SFXN2: variants seen among roughly 807,000 people sequenced by gnomAD.
The protein encoded by SFXN2 is sideroflexin-2.
Under a neutral mutation model 41.9 loss-of-function variants are expected in SFXN2, and 37 were observed. The observed-to-expected ratio is 0.88, with a 90% confidence interval of 0.68 to 1.16. The LOEUF is 1.16. Among genes scored for constraint, SFXN2 ranks in the 50% most tolerant of loss-of-function variants. The pLI, the probability that SFXN2 is intolerant of heterozygous loss-of-function variation, is 0.00. For missense variants in SFXN2, 386 were observed against 425.2 expected (o/e 0.91, Z 0.81); for synonymous variants, 150 against 156.7 (o/e 0.96, Z 0.32).
intron 1 of SFXN2, among the ~76,000 whole-genome samples, chr10:102,718,331 T>G (rs1177341148): frequency 6.6e-6 from 1 of 152,252 alleles, no homozygotes; most frequent in Non-Finnish European, 1.5e-5. Context: ...TTTTGCTCAG[T>G]CAGGCTGTCT....
At chr10:102,723,673 A>G (rs961089874) in intron 1 of SFXN2, among the ~76,000 whole-genome samples, 1 of 152,226 alleles carries the variant, frequency 6.6e-6, no homozygotes, top group African/African-American at 2.4e-5. Flanking sequence ...ATCCCCAAAT[A>G]GTAATTCCAA....
At chr10:102,727,413 G>T (rs192820622) in intron 3 of SFXN2, among the ~76,000 whole-genome samples, 4 of 152,328 alleles carry the variant, frequency 2.6e-5, no homozygotes, top group Admixed American at 2.6e-4. Flanking sequence ...TAAACAGGCA[G>T]GAAATATGGG....
intron 6 of SFXN2, among the ~76,000 whole-genome samples, chr10:102,730,399 G>A (rs531542362): frequency 2.6e-5 from 4 of 152,332 alleles, no homozygotes; most frequent in Admixed American, 2.6e-4. Context: ...CATAAGAGAT[G>A]CTACATAAGT....
rs374406273 is a variant in SFXN2 at position 102,741,426 on chromosome 10, G to A, written c.*3664G>A. 1.3e-5 allele frequency: 2 copies of A among 152,176 alleles called. No homozygotes were observed. Among genetic ancestry groups the A allele is most frequent in the Non-Finnish European group, 1.5e-5 (1 of 68,064 alleles). 9.4% of individuals were successfully genotyped at this position (152,176 alleles called of 1,614,324 possible). A position where few individuals can be genotyped will look rare whatever the true frequency, so the allele number is the denominator to read the frequency against. Reference sequence around the variant, plus strand: ...TCGGCTAGAATAGCATGGGTAAAAGGTTCCATTGCTCGGGAGAGGAGGAGG... The same window carrying A: ...TCGGCTAGAATAGCATGGGTAAAAGATTCCATTGCTCGGGAGAGGAGGAGG... On this transcript the variant is annotated 3_prime_UTR_variant, in exon 12 of 12. Coordinates refer to ENST00000369893, the MANE Select transcript of SFXN2 (RefSeq NM_178858.6).
At chr10:102,729,259 C>G in intron 4 of SFXN2, 60 bp from the exon 5 acceptor site, 1 of 1,549,076 alleles carries the variant, frequency 6.5e-7, no homozygotes, top group South Asian at 1.1e-5. Flanking sequence ...TCCCTGAAGC[C>G]CGTGGTTTGG....
chr10:102,735,722 G>C, intron 10 of SFXN2, 140 bp from the exon 11 acceptor site: 1 of 812,634 alleles, frequency 1.2e-6, no homozygotes, highest in Non-Finnish European at 2.2e-6. Flanking sequence ...GGAACAGGAG[G>C]AGGGTTGGAG....
rs1179240999 is a variant in SFXN2 at position 102,732,165 on chromosome 10, T to C, written c.668T>C (p.Ile223Thr). Reference protein sequence around the residue: ...EIGHSRRAAAIGITQVVISRI... With the variant: ...EIGHSRRAAATGITQVVISRI... Reference sequence around the variant, plus strand: ...TTCTGCCCTCAGAGAGCTGCGGCCATAGGCATCACCCAAGTAGTTATTTCT... The same window carrying C: ...TTCTGCCCTCAGAGAGCTGCGGCCACAGGCATCACCCAAGTAGTTATTTCT... The change falls in exon 8 of 12, where the codon ATA becomes ACA. Residue 223 changes from isoleucine (I) to threonine (T), a missense_variant. Physicochemically the swap from Ile to Thr is moderately conservative, Grantham distance 89. Coordinates refer to ENST00000369893, the MANE Select transcript of SFXN2 (RefSeq NM_178858.6). The C allele has an allele frequency of 6.2e-6, 10 of 1,614,040 alleles. No individual in the cohort carries two copies. The highest frequency in any genetic ancestry group is 8.5e-6 in the Non-Finnish European group (10 of 1,179,960).
At chr10:102,727,988 G>A (rs2064631904) in intron 3 of SFXN2, among the ~76,000 whole-genome samples, 1 of 152,172 alleles carries the variant, frequency 6.6e-6, no homozygotes, top group Non-Finnish European at 1.5e-5. Flanking sequence ...CTGCGCAGAA[G>A]CCCAGGTGCA....
At chr10:102,728,070 G>A (rs372969798) in intron 3 of SFXN2, among the ~76,000 whole-genome samples, 41 of 152,126 alleles carry the variant, frequency 2.7e-4, no homozygotes, top group African/African-American at 8.9e-4. Context: ...AAGCCAAGGC[G>A]GGTGGATTAC....
chr10:102,725,659 G>A (rs1238194327), intron 1 of SFXN2, among the ~76,000 whole-genome samples: 3 of 152,098 alleles, frequency 2.0e-5, no homozygotes, highest in African/African-American at 7.2e-5. Flanking sequence ...TTGGGAGGCC[G>A]AGGCAGAAGG....
At chr10:102,732,255 G>A (rs2064715847) in intron 8 of SFXN2, 37 bp downstream of exon 8, 1 of 1,588,064 alleles carries the variant, frequency 6.3e-7, no homozygotes, top group South Asian at 1.1e-5. Flanking sequence ...GGGGAAGCCT[G>A]TGACACAGGG....
rs776120979 is a variant in SFXN2 at position 102,726,807 on chromosome 10, C to T, written c.161+10C>T. The T allele has an allele frequency of 1.2e-5, 19 of 1,613,590 alleles. No individual in the cohort carries two copies. In the East Asian group the frequency reaches 2.0e-4, roughly 17 times the overall value. On this transcript the variant is annotated intron_variant, in intron 2 of 11. Transcript: ENST00000369893. ...TGGTGGAGAAGAGCAGGTGAGGGGTCGGGGAAGGGGCTGGAAGTAGTAGGG... is the reference window on the plus strand; with the variant it reads ...TGGTGGAGAAGAGCAGGTGAGGGGTTGGGGAAGGGGCTGGAAGTAGTAGGG...
rs1381429226 is a variant in SFXN2, at chr10:102,726,199, C to T, written c.-25-413C>T. On this transcript the variant is annotated intron_variant, in intron 1 of 11. Transcript: ENST00000369893. ...TCCTGACCTCATGATCCCCCTGCCT[C>T]GGCCTCCCAAAGTACTGGGATTACA... is the stretch of plus-strand genomic sequence containing the variant. Among the ~76,000 whole-genome samples the T allele has an allele frequency of 3.3e-5, 5 of 152,306 alleles. No individual in the cohort carries two copies. In the East Asian group the frequency reaches 7.7e-4, roughly 23 times the overall value.
intron 3 of SFXN2, among the ~76,000 whole-genome samples, chr10:102,727,457 A>G (rs1158269667): frequency 6.6e-6 from 1 of 152,236 alleles, no homozygotes; most frequent in Non-Finnish European, 1.5e-5. Context: ...TCCTGTGTAG[A>G]ACCCTCAACA....
Position 102,741,162 on chromosome 10 carries a change from C to T in SFXN2, c.*3400C>T, listed in dbSNP as rs1332169931. The T allele has an allele frequency of 1.3e-5, 2 of 152,200 alleles. No individual in the cohort carries two copies. The highest frequency in any genetic ancestry group is 2.9e-5 in the Non-Finnish European group (2 of 68,030). 9.4% of individuals were successfully genotyped at this position (152,200 alleles called of 1,614,324 possible). A position where few individuals can be genotyped will look rare whatever the true frequency, so the allele number is the denominator to read the frequency against. On this transcript the variant is annotated 3_prime_UTR_variant, in exon 12 of 12. Transcript: ENST00000369893. ...TTGGTGTGGGAAGTGCTAATCCAGA[C>T]TGTCCTATCCAATAGCTCAGCTTGA...
chr10:102,738,411 C>G lies in SFXN2; in HGVS notation c.*649C>G, dbSNP rs1025309661. Reference sequence around the variant, plus strand: ...TCCTGGATTCAAGCGATTCTCCTGCCTCAGCCTCTCAAGTAGCTGGGATTA... The same window carrying G: ...TCCTGGATTCAAGCGATTCTCCTGCGTCAGCCTCTCAAGTAGCTGGGATTA... On this transcript the variant is annotated 3_prime_UTR_variant, in exon 12 of 12. Transcript: ENST00000369893. The G allele has an allele frequency of 1.3e-5, 2 of 152,356 alleles. No individual in the cohort carries two copies. Among genetic ancestry groups the G allele is most frequent in the African/African-American group, 2.4e-5 (1 of 41,428 alleles). 9.4% of individuals were successfully genotyped at this position (152,356 alleles called of 1,614,324 possible).
intron 8 of SFXN2, among the ~76,000 whole-genome samples, 190 bp from the exon 9 acceptor site, chr10:102,732,669 C>T (rs1301841390): frequency 6.6e-6 from 1 of 152,304 alleles, no homozygotes; most frequent in Non-Finnish European, 1.5e-5. Flanking sequence ...AAGCACTGTT[C>T]TGCCAGGACT....
Position 102,738,530 on chromosome 10 carries a change from C to T in SFXN2, c.*768C>T, listed in dbSNP as rs1244002162. The T allele has an allele frequency of 6.6e-6, 1 of 152,154 alleles. No individual in the cohort carries two copies. The highest frequency in any genetic ancestry group is 1.5e-5 in the Non-Finnish European group (1 of 68,082). The allele number at this position is 152,154 out of a possible 1,614,324, so 9.4% of individuals were successfully genotyped here. Reference sequence around the variant, plus strand: ...CAGACTGGTCTCGAACTCCTGACCTCAGGTGATCCGCCCGCCTCAGCCTCT... The same window carrying T: ...CAGACTGGTCTCGAACTCCTGACCTTAGGTGATCCGCCCGCCTCAGCCTCT... On this transcript the variant is annotated 3_prime_UTR_variant, in exon 12 of 12. Coordinates refer to ENST00000369893, the MANE Select transcript of SFXN2 (RefSeq NM_178858.6).
At chr10:102,729,504 C>A in intron 5 of SFXN2, 110 bp downstream of exon 5, 1 of 1,341,548 alleles carries the variant, frequency 7.5e-7, no homozygotes, top group Non-Finnish European at 1.0e-6. Flanking sequence ...TTGGGAATGG[C>A]CAGAGCCCGG....
Sources: allele counts gnomAD v4.1 joint callset (sites outside exome capture counted in the v4.1 genomes callset), GRCh38; gene constraint gnomAD v4.1.1; transcripts MANE v1.5; gene names NCBI Gene and HGNC (gene_info 2026-07-23, HGNC 2026-07-21).